TVP23C: variants seen among roughly 807,000 people sequenced by gnomAD.
TVP23C encodes Golgi apparatus membrane protein TVP23 homolog C.
A neutral mutation model predicts 28.7 loss-of-function variants in TVP23C; 19 were observed. The observed-to-expected ratio is 0.66, with a 90% CI of 0.46 to 0.97. The LOEUF (loss-of-function observed/expected upper bound fraction) is 0.97, where lower values mean the gene tolerates loss of function less well. TVP23C is among the 50% of genes least tolerant of loss of function. TVP23C has a pLI of 0.00. For synonymous variants in TVP23C, 68 were observed against 81.7 expected (o/e 0.83, Z 0.90); for missense variants, 186 against 241.3 (o/e 0.77, Z 1.52).
chr17:15,527,230 T>C (rs922033196), intron 5 of TVP23C, among the ~76,000 whole-genome samples: 1 of 152,246 alleles, frequency 6.6e-6, no homozygotes, highest in Non-Finnish European at 1.5e-5. Flanking sequence ...AGCCTTTTTC[T>C]GCCTGTAAAT....
rs1047876114 is a variant in TVP23C at position 15,520,702 on chromosome 17, T to A, written c.463-17470A>T. 3.3e-4 allele frequency among the ~76,000 whole-genome samples: 50 copies of A among 152,332 alleles called. 1 individual carries two copies. The highest frequency in any genetic ancestry group is 2.1e-4 in the Non-Finnish European group (14 of 68,038). ...AACATTTTACCATTAACTGTGATAT[T>A]ATAAATGTTCCCCTTAACACTGGGG... On this transcript the variant is annotated intron_variant, in intron 5 of 5. Coordinates refer to the TVP23C transcript ENST00000225576.
chr17:15,502,933 C>G, exon 6 of TVP23C: 10 of 1,613,788 alleles, frequency 6.2e-6, no homozygotes, highest in Non-Finnish European at 7.6e-6. Context: ...TGGGACTCTC[C>G]CCACCTCCCC....
downstream of TVP23C, among the ~76,000 whole-genome samples, chr17:15,532,114 T>G (rs1982972856): frequency 6.6e-6 from 1 of 152,170 alleles, no homozygotes; most frequent in Non-Finnish European, 1.5e-5. Context: ...ACTTTCTAGC[T>G]CCCAAGAATA....
chr17:15,539,093 C>T lies in TVP23C; in HGVS notation c.*1319G>A. ...GGCTTTAGTTATCTAAAATGTAATCCCTGGACCAGTGCCCTCAGTACCACC... is the reference window on the plus strand; with the variant it reads ...GGCTTTAGTTATCTAAAATGTAATCTCTGGACCAGTGCCCTCAGTACCACC... On this transcript the variant is annotated 3_prime_UTR_variant, in exon 6 of 6. Coordinates refer to ENST00000518321, the MANE Select transcript of TVP23C (RefSeq NM_001135036.2). 1.0e-6 allele frequency: 1 copy of T among 980,344 alleles called. No individual in the cohort carries two copies. The allele number at this position is 980,344 out of a possible 1,614,324, so 60.7% of individuals were successfully genotyped here. A position where few individuals can be genotyped will look rare whatever the true frequency, so the allele number is the denominator to read the frequency against.
At chr17:15,517,142 GC>G (rs1322948754) in intron 5 of TVP23C, among the ~76,000 whole-genome samples, 1 of 152,194 alleles carries the variant, frequency 6.6e-6, no homozygotes, top group African/African-American at 2.4e-5. Flanking sequence ...CATGGGACAT[GC>G]CTTTTTGTGG....
At chr17:15,526,952 G>T (rs927890252) in intron 5 of TVP23C, among the ~76,000 whole-genome samples, 1 of 152,122 alleles carries the variant, frequency 6.6e-6, no homozygotes, top group African/African-American at 2.4e-5. Context: ...TTTATAGGAG[G>T]TCATTGGTTT....
Position 15,537,352 on chromosome 17 carries a change from T to C in TVP23C, c.*3060A>G, listed in dbSNP as rs2150846143. On this transcript the variant is annotated 3_prime_UTR_variant, in exon 6 of 6. Transcript: ENST00000518321. ...AGTATGTAAATTATTATTCTCATTA[T>C]GACATGAGAATAATGCTCTTTTAGT... 6.3e-6 allele frequency: 6 copies of C among 954,390 alleles called. No homozygotes were observed. The South Asian group carries it at 2.4e-4, about 39-fold the overall frequency. 59.1% of individuals were successfully genotyped at this position (954,390 alleles called of 1,614,324 possible).
intron 3 of TVP23C, among the ~76,000 whole-genome samples, chr17:15,551,153 G>C (rs1201773935): frequency 6.7e-6 from 1 of 149,870 alleles, no homozygotes; most frequent in Non-Finnish European, 1.5e-5. Context: ...GTCTTGCTCT[G>C]TTGCCCAGGC....
In TVP23C at chr17:15,547,163, T is replaced by C. The variant is rs778938917; in HGVS notation, c.241-15A>G. 3.1e-6 allele frequency: 5 copies of C among 1,612,730 alleles called. No homozygotes were observed. Among genetic ancestry groups the C allele is most frequent in the South Asian group, 2.2e-5 (2 of 90,786 alleles). On this transcript the variant is annotated splice_polypyrimidine_tract_variant and intron_variant, in intron 3 of 5. Transcript: ENST00000518321. The stretch of plus-strand genomic sequence containing the variant: ...CCTGTGACATTCTGGTGAAGATTAA[T>C]ATAAACAGGCACATTTTAAAAGCAT...
chr17:15,557,279 T>C lies in TVP23C; in HGVS notation c.13-1915A>G, dbSNP rs370134366. Among the ~76,000 whole-genome samples the C allele has an allele frequency of 4.9e-4, 71 of 144,944 alleles. 1 individual carries two copies. The East Asian group carries it at 0.013, about 27-fold the overall frequency. ...ATATAGATTAAGCTGCTGGAGGACC[T>C]AGAAGACAAGGTTTTTTTTTTTTTT... On this transcript the variant is annotated intron_variant, in intron 1 of 5. Transcript: ENST00000518321.
downstream of TVP23C, among the ~76,000 whole-genome samples, chr17:15,534,136 A>G (rs1983054942): frequency 6.6e-6 from 1 of 151,984 alleles, no homozygotes; most frequent in Non-Finnish European, 1.5e-5. Flanking sequence ...TTCCTTTCTC[A>G]TTATAAACAG....
chr17:15,540,415 C>T lies in TVP23C; in HGVS notation c.609G>A (p.Met203Ile). 6.3e-7 allele frequency: 1 copy of T among 1,594,342 alleles called. No individual in the cohort carries two copies. Among genetic ancestry groups the T allele is most frequent in the Non-Finnish European group, 8.6e-7 (1 of 1,168,158 alleles). ...QFLRQVSVFW[M>I] Reference sequence around the variant, plus strand: ...AAATAATTGCATTAGTCACTGATCACATCCAGAAAACACTTACTTGTCTTA... The same window carrying T: ...AAATAATTGCATTAGTCACTGATCATATCCAGAAAACACTTACTTGTCTTA... Residue 203 changes from methionine (M) to isoleucine (I), a missense_variant, in exon 6 of 6, where the codon ATG (methionine) becomes ATA (isoleucine). This residue lies in a region of TVP23C where 74 missense variants were observed against 96.0 expected (regional missense o/e 0.77). Coordinates refer to ENST00000518321, the MANE Select transcript of TVP23C (RefSeq NM_001135036.2).
At chr17:15,513,899 CAGA>C (rs1982108549) in intron 5 of TVP23C, among the ~76,000 whole-genome samples, 1 of 152,212 alleles carries the variant, frequency 6.6e-6, no homozygotes, top group African/African-American at 2.4e-5. Context: ...CAGCATAGGG[CAGA>C]AGAAGCTGGA....
chr17:15,515,212 A>G (rs999306831), intron 5 of TVP23C, among the ~76,000 whole-genome samples: 4 of 152,090 alleles, frequency 2.6e-5, no homozygotes, highest in African/African-American at 9.6e-5. Flanking sequence ...TATAACGTAC[A>G]CTCCAGAGTC....
chr17:15,525,724 C>G (rs1982696240), intron 5 of TVP23C, among the ~76,000 whole-genome samples: 3 of 152,200 alleles, frequency 2.0e-5, no homozygotes, highest in Admixed American at 1.3e-4. Context: ...CCACGTTCAT[C>G]TCTGGCACGA....
intron 3 of TVP23C, among the ~76,000 whole-genome samples, chr17:15,551,412 G>A (rs1983884071): frequency 6.6e-6 from 1 of 151,788 alleles, no homozygotes; most frequent in African/African-American, 2.4e-5. Context: ...AGCCATAGTT[G>A]CCATTAAATT....
At chr17:15,506,114 C>G (rs1981726016) in intron 5 of TVP23C, among the ~76,000 whole-genome samples, 1 of 152,254 alleles carries the variant, frequency 6.6e-6, no homozygotes. Flanking sequence ...ACCTGCAGCC[C>G]CGGTGCGGGA....
At position 15,538,473 on chromosome 17, in the gene TVP23C, C is replaced by A. The variant is rs1351233120; in HGVS notation, c.*1939G>T. 1 of 708,884 alleles carries A rather than the reference C, an allele frequency of 1.4e-6. No homozygotes were observed. The highest frequency in any genetic ancestry group is 1.7e-6 in the Non-Finnish European group (1 of 577,886). The allele number at this position is 708,884 out of a possible 1,614,324, so 43.9% of individuals were successfully genotyped here. On this transcript the variant is annotated 3_prime_UTR_variant, in exon 6 of 6. Coordinates refer to ENST00000518321, the MANE Select transcript of TVP23C (RefSeq NM_001135036.2). ...GGCGTGGTGGCGGGCGCCTGCAATCCCAGCTACTCGGGAGGCTGAGGCAGA... is the reference window on the plus strand; with the variant it reads ...GGCGTGGTGGCGGGCGCCTGCAATCACAGCTACTCGGGAGGCTGAGGCAGA...
intron 5 of TVP23C, among the ~76,000 whole-genome samples, chr17:15,524,720 G>C (rs1332237672): frequency 6.8e-6 from 1 of 146,310 alleles, no homozygotes; most frequent in Non-Finnish European, 1.5e-5. Context: ...GATGCACACA[G>C]TGGCTATAGG....
Sources: gnomAD v4.1 joint callset for allele counts (sites outside exome capture counted in the v4.1 genomes callset) on GRCh38, gnomAD v4.1.1 for gene constraint, gnomAD v4.1.1 regional missense constraint, MANE v1.5 for transcripts, NCBI Gene and HGNC (gene_info 2026-07-23, HGNC 2026-07-21) for gene names.